SYT2: variants seen among roughly 807,000 people sequenced by gnomAD.
The protein encoded by SYT2 is synaptotagmin-2.
Under a neutral mutation model 39.9 loss-of-function variants are expected in SYT2, and 15 were observed. The observed-to-expected ratio is 0.38, with a 90% confidence interval of 0.25 to 0.58. The LOEUF is 0.58. Among genes scored for constraint, SYT2 ranks in the 20% least tolerant of loss-of-function variants. SYT2 has a pLI of 0.70. For missense variants in SYT2, 389 were observed against 530.3 expected, an observed-to-expected ratio of 0.73 and a Z score of 2.62; for synonymous variants, 181 against 204.5, an observed-to-expected ratio of 0.89 and a Z score of 0.98.
intron 1 of SYT2, among the ~76,000 whole-genome samples, chr1:202,709,387 G>A (rs1365112481): frequency 6.6e-6 from 1 of 152,206 alleles, no homozygotes; most frequent in East Asian, 1.9e-4. Flanking sequence ...AGGATGAGGG[G>A]GCCTGGCTTA....
At chr1:202,633,399 C>CT (rs886613321) in intron 1 of SYT2, among the ~76,000 whole-genome samples, 2 of 145,544 alleles carry the variant, frequency 1.4e-5, no homozygotes, top group Admixed American at 6.8e-5. Context: ...GGTGAGGTGG[C>CT]TTTTTTCTGG....
At chr1:202,635,523 CA>C (rs915527301) in intron 1 of SYT2, among the ~76,000 whole-genome samples, 7 of 152,112 alleles carry the variant, frequency 4.6e-5, no homozygotes, top group African/African-American at 1.5e-4. Flanking sequence ...CATGAGCTCA[CA>C]GTTGATTTTG....
At chr1:202,600,001 T>C (rs566606593) in intron 7 of SYT2, among the ~76,000 whole-genome samples, 2 of 152,352 alleles carry the variant, frequency 1.3e-5, no homozygotes, top group East Asian at 1.9e-4. Context: ...GCCTACAGCC[T>C]CTTCTGGAAA....
Position 202,625,199 on chromosome 1 carries a change from GGTGT to G in SYT2, c.-17-19414_-17-19411del, listed in dbSNP as rs138629422. On this transcript the variant is annotated intron_variant, in intron 1 of 8. Transcript: ENST00000367268. Reference sequence around the variant, plus strand: ...GTGTCGTGTGTGTGGCATGTAGTAGGGTGTGTGTGTGATGTTTGTGGTGTGTGCT... The same window carrying G: ...GTGTCGTGTGTGTGGCATGTAGTAGGGTGTGTGATGTTTGTGGTGTGTGCT... 5.8e-4 allele frequency among the ~76,000 whole-genome samples: 68 copies of G among 118,120 alleles called. 1 individual carries two copies. Among genetic ancestry groups the G allele is most frequent in the South Asian group, 2.2e-3 (8 of 3,700 alleles). The allele number at this position is 118,120 out of a possible 152,430, so 77.5% of individuals were successfully genotyped here. A position where few individuals can be genotyped will look rare whatever the true frequency, so the allele number is the denominator to read the frequency against.
chr1:202,605,484 TA>T, intron 2 of SYT2, 110 bp downstream of exon 2: 2 of 1,062,804 alleles, frequency 1.9e-6, no homozygotes, highest in South Asian at 1.8e-5. Flanking sequence ...GCCTGAAATC[TA>T]AGCATTAGGA....
At chr1:202,678,301 A>AC (rs1653434107) in intron 1 of SYT2, among the ~76,000 whole-genome samples, 2 of 148,154 alleles carry the variant, frequency 1.3e-5, no homozygotes, top group South Asian at 2.1e-4. Flanking sequence ...AAAAAAAAAA[A>AC]CTAATAAAAT....
chr1:202,612,968 A>C (rs1223889569), intron 1 of SYT2, among the ~76,000 whole-genome samples: 3 of 150,630 alleles, frequency 2.0e-5, no homozygotes, highest in African/African-American at 7.4e-5. Flanking sequence ...TGTTTTCTTA[A>C]TTTCACTTTC....
chr1:202,642,408 A>T (rs1357532639), intron 1 of SYT2, among the ~76,000 whole-genome samples: 3 of 150,664 alleles, frequency 2.0e-5, no homozygotes, highest in African/African-American at 7.4e-5. Flanking sequence ...CATGCGCTCC[A>T]TCATCCTGAG....
intron 1 of SYT2, among the ~76,000 whole-genome samples, chr1:202,697,204 C>T (rs1294411226): frequency 1.3e-5 from 2 of 152,246 alleles, no homozygotes; most frequent in Non-Finnish European, 2.9e-5. Context: ...AAGAAAACCA[C>T]ATAACTACAA....
At chr1:202,681,829 C>CCAGTGAGG (rs1044622287) in intron 1 of SYT2, among the ~76,000 whole-genome samples, 1 of 152,226 alleles carries the variant, frequency 6.6e-6, no homozygotes, top group Non-Finnish European at 1.5e-5. Context: ...CACCGCCTGG[C>CCAGTGAGG]CAGTGAGGCA....
chr1:202,602,097 T>C (rs1340761736), intron 5 of SYT2, 40 bp from the exon 6 acceptor site: 1 of 1,607,812 alleles, frequency 6.2e-7, no homozygotes, highest in African/African-American at 1.3e-5. Flanking sequence ...CCAGAGCGAC[T>C]CACGCACCTC....
chr1:202,674,085 G>C (rs1335928292), intron 1 of SYT2, among the ~76,000 whole-genome samples: 1 of 152,122 alleles, frequency 6.6e-6, no homozygotes, highest in African/African-American at 2.4e-5. Flanking sequence ...CAATGGGAGA[G>C]CACAGGTATA....
intron 1 of SYT2, among the ~76,000 whole-genome samples, chr1:202,642,759 G>A (rs903293120): frequency 6.6e-6 from 1 of 152,216 alleles, no homozygotes; most frequent in African/African-American, 2.4e-5. Flanking sequence ...CGCGAGCATG[G>A]TCTTCCAGCT....
At chr1:202,693,909 C>T (rs1653908589) in intron 1 of SYT2, among the ~76,000 whole-genome samples, 1 of 152,174 alleles carries the variant, frequency 6.6e-6, no homozygotes, top group Non-Finnish European at 1.5e-5. Flanking sequence ...TTCAGAAAGC[C>T]TACAATCATG....
intron 1 of SYT2, among the ~76,000 whole-genome samples, chr1:202,607,019 A>G (rs2149073437): frequency 6.6e-6 from 1 of 152,254 alleles, no homozygotes; most frequent in African/African-American, 2.4e-5. Flanking sequence ...TTCCACTGGT[A>G]GACATTTAGG....
At chr1:202,658,505 C>T (rs1692318774) in intron 1 of SYT2, among the ~76,000 whole-genome samples, 1 of 151,904 alleles carries the variant, frequency 6.6e-6, no homozygotes, top group Non-Finnish European at 1.5e-5. Flanking sequence ...GTCCCCACTC[C>T]CCGCCTCTGG....
In SYT2 at chr1:202,656,016, A is replaced by G. The variant is rs116336465; in HGVS notation, c.-17-50227T>C. Among the ~76,000 whole-genome samples, 445 of 152,290 alleles carry G rather than the reference A, an allele frequency of 2.9e-3. 6 individuals are homozygous for G. The highest frequency in any genetic ancestry group is 0.01 in the African/African-American group (430 of 41,556). On this transcript the variant is annotated intron_variant, in intron 1 of 8. Transcript: ENST00000367268. ...CCCCAGGCCAAGAAATAAGGACCAG[A>G]AAGTGTGGCTTATTGTGTGCAGAGA... is the stretch of plus-strand genomic sequence containing the variant.
At chr1:202,653,349 T>TGA (rs1340371166) in intron 1 of SYT2, among the ~76,000 whole-genome samples, 4 of 152,188 alleles carry the variant, frequency 2.6e-5, no homozygotes, top group African/African-American at 4.8e-5. Context: ...TCACCTCAGT[T>TGA]CTGACTGACT....
chr1:202,605,783 G>A lies in SYT2; in HGVS notation c.-11C>T, dbSNP rs1453435210. ...GAAAATGTTCCTCATGGTGGCAGAG[G>A]AAACAGCTGGGGACGAGAGGTGAAG... On this transcript the variant is annotated 5_prime_UTR_variant, in exon 2 of 9. Transcript: ENST00000367268. The A allele has an allele frequency of 2.5e-6, 4 of 1,613,394 alleles. No homozygotes were observed. Among genetic ancestry groups the A allele is most frequent in the Middle Eastern group, 1.7e-4 (1 of 6,060 alleles).
Sources: gnomAD v4.1 joint callset for allele counts (sites outside exome capture counted in the v4.1 genomes callset) on GRCh38, gnomAD v4.1.1 for gene constraint, MANE v1.5 for transcripts, NCBI Gene and HGNC (gene_info 2026-07-23, HGNC 2026-07-21) for gene names.